LHX9: variants seen among roughly 807,000 people sequenced by gnomAD.
The protein encoded by LHX9 is LIM homeobox 9.
A neutral mutation model predicts 36.5 loss-of-function variants in LHX9; 9 were observed. That is an observed-to-expected ratio of 0.25 (90% CI 0.15 to 0.43). The LOEUF (loss-of-function observed/expected upper bound fraction) is 0.43, where lower values mean the gene tolerates loss of function less well. Ranked by LOEUF, LHX9 falls within the 20% of genes least tolerant of loss-of-function variation. LHX9 has a pLI of 1.00. For missense variants in LHX9, 464 were observed against 526.4 expected (o/e 0.88, Z 1.16); for synonymous variants, 211 against 212.1 (o/e 0.99, Z 0.04).
At position 197,921,166 on chromosome 1, in the gene LHX9, T is replaced by G; in HGVS notation, c.378-138T>G. The G allele has an allele frequency of 1.7e-6, 1 of 591,936 alleles. No individual in the cohort carries two copies. The highest frequency in any genetic ancestry group is 2.9e-6 in the Non-Finnish European group (1 of 344,230). The allele number at this position is 591,936 out of a possible 1,614,324, so 36.7% of individuals were successfully genotyped here. A position where few individuals can be genotyped will look rare whatever the true frequency, so the allele number is the denominator to read the frequency against. ...GAAAAGGTCGATGAGCAAATAAAAT[T>G]AATGCCTACTCTCCTGTCCCCCTGG... On this transcript the variant is annotated intron_variant, in intron 2 of 4. Coordinates refer to ENST00000367387, the MANE Select transcript of LHX9 (RefSeq NM_020204.3). The surrounding 1 kb of genome is among the most constrained non-coding windows in gnomAD (Gnocchi z 4.6).
At chr1:197,926,264 G>A (rs1286963362) in intron 3 of LHX9, among the ~76,000 whole-genome samples, 1 of 144,944 alleles carries the variant, frequency 6.9e-6, no homozygotes, top group Non-Finnish European at 1.5e-5. Context: ...TCACATTAAG[G>A]GATGCCTCCC....
In LHX9 at chr1:197,932,694, C is replaced by T. The variant is rs1019281529; in HGVS notation, c.*3435C>T. ...TGTTATACTAATGAAAAAATACAAA[C>T]AGCATAGTGAGATTAAATTCTGGTA... On this transcript the variant is annotated 3_prime_UTR_variant, in exon 5 of 5. Coordinates refer to ENST00000367387, the MANE Select transcript of LHX9 (RefSeq NM_020204.3). 1 of 152,020 alleles carries T rather than the reference C, an allele frequency of 6.6e-6. No homozygotes were observed. The highest frequency in any genetic ancestry group is 1.9e-4 in the East Asian group (1 of 5,204). The allele number at this position is 152,020 out of a possible 1,614,324, so 9.4% of individuals were successfully genotyped here. A position where few individuals can be genotyped will look rare whatever the true frequency, so the allele number is the denominator to read the frequency against.
At chr1:197,928,603 T>C (rs960475999) in intron 4 of LHX9, among the ~76,000 whole-genome samples, 8 of 152,202 alleles carry the variant, frequency 5.3e-5, no homozygotes, top group African/African-American at 1.9e-4. Context: ...GATTCTTACT[T>C]TGCCATACTT....
intron 4 of LHX9, 48 bp from the exon 5 acceptor site, chr1:197,928,954 A>T (rs748836318): frequency 1.2e-5 from 18 of 1,459,822 alleles, no homozygotes; most frequent in Non-Finnish European, 1.6e-5. Context: ...AAGAAAAGAA[A>T]TATAAAAATG....
In LHX9 at chr1:197,933,968, G is replaced by A. The variant is rs544559518; in HGVS notation, c.*4709G>A. On this transcript the variant is annotated 3_prime_UTR_variant, in exon 5 of 5. Coordinates refer to ENST00000367387, the MANE Select transcript of LHX9 (RefSeq NM_020204.3). Reference sequence around the variant, plus strand: ...TTTTCATAGCTTCTACCTCCCAGTTGCCTGGGTTAGTCTAACTTCTGGCAG... The same window carrying A: ...TTTTCATAGCTTCTACCTCCCAGTTACCTGGGTTAGTCTAACTTCTGGCAG... 1.4e-4 allele frequency: 22 copies of A among 152,288 alleles called. No individual in the cohort carries two copies. In the South Asian group the frequency reaches 4.6e-3, roughly 32 times the overall value. The allele number at this position is 152,288 out of a possible 1,614,324, so 9.4% of individuals were successfully genotyped here. A position where few individuals can be genotyped will look rare whatever the true frequency, so the allele number is the denominator to read the frequency against.
upstream of LHX9, among the ~76,000 whole-genome samples, chr1:197,914,921 T>A (rs916925767): frequency 1.1e-4 from 17 of 152,330 alleles, no homozygotes; most frequent in African/African-American, 3.6e-4. Context: ...TGTACCTAGA[T>A]GATTAACAAA....
At chr1:197,918,454 A>T in intron 1 of LHX9, 1 of 704,178 alleles carries the variant, frequency 1.4e-6, no homozygotes, top group South Asian at 1.5e-5. Flanking sequence ...GGACCTGTGG[A>T]GTAGATTCCG....
At chr1:197,919,075 G>C (rs1288090897) in intron 1 of LHX9, among the ~76,000 whole-genome samples, 1 of 152,204 alleles carries the variant, frequency 6.6e-6, no homozygotes, top group African/African-American at 2.4e-5. Flanking sequence ...ACCCATTTCT[G>C]CTAGTCGTGA....
upstream of LHX9, chr1:197,916,437 G>A: frequency 1.8e-6 from 1 of 549,434 alleles, no homozygotes; most frequent in East Asian, 3.1e-5. Context: ...TGGGGCTAGC[G>A]CCCAGTCCTG....
At chr1:197,913,955 C>A (rs1037184785), upstream of LHX9, among the ~76,000 whole-genome samples, 1 of 152,218 alleles carries the variant, frequency 6.6e-6, no homozygotes, top group Non-Finnish European at 1.5e-5. Flanking sequence ...TTTCCTCCCC[C>A]CTAGGGAATT....
chr1:197,912,537 G>T, upstream of LHX9: 1 of 1,614,194 alleles, frequency 6.2e-7, no homozygotes, highest in African/African-American at 1.3e-5. Flanking sequence ...TAAGAATGCT[G>T]AACGGTACCA....
intron 1 of LHX9, 98 bp downstream of exon 1, chr1:197,918,095 C>G (rs1032657450): frequency 3.0e-6 from 4 of 1,342,358 alleles, no homozygotes; most frequent in Admixed American, 2.3e-5. Context: ...AGCGGCGGGT[C>G]GTAGAGACGT....
rs567376189 is a variant in LHX9 at position 197,935,437 on chromosome 1, C to A, written c.*6178C>A. 6.3e-4 allele frequency: 96 copies of A among 152,124 alleles called. No homozygotes were observed. Among genetic ancestry groups the A allele is most frequent in the African/African-American group, 1.9e-3 (80 of 41,516 alleles). 9.4% of individuals were successfully genotyped at this position (152,124 alleles called of 1,614,324 possible). ...AATTAACCTGAAGAGTAATTGGATA[C>A]CTTTTATGGTTATTTGAAAATAAAA... On this transcript the variant is annotated 3_prime_UTR_variant, in exon 5 of 5. Transcript: ENST00000367387.
chr1:197,914,247 T>C (rs867305004), upstream of LHX9, among the ~76,000 whole-genome samples: 31 of 152,258 alleles, frequency 2.0e-4, no homozygotes, highest in African/African-American at 6.3e-4. Context: ...TGGTAGAACT[T>C]TGAATTTAGA....
intron 3 of LHX9, among the ~76,000 whole-genome samples, chr1:197,924,230 G>A (rs1033580956): frequency 2.0e-5 from 3 of 152,170 alleles, no homozygotes; most frequent in Admixed American, 6.5e-5. Context: ...TTTGGATTTT[G>A]TCTTGCTATC....
At chr1:197,915,014 T>G (rs185888268), upstream of LHX9, among the ~76,000 whole-genome samples, 69 of 152,288 alleles carry the variant, frequency 4.5e-4, 1 homozygote, top group Admixed American at 4.1e-3. Flanking sequence ...CGCTGTAAAG[T>G]TCTGGCTTTT....
At chr1:197,926,787 G>A (rs752261595) in intron 3 of LHX9, among the ~76,000 whole-genome samples, 3 of 152,110 alleles carry the variant, frequency 2.0e-5, no homozygotes, top group South Asian at 2.1e-4. Context: ...CGCTTCAGGC[G>A]TGAACCGTGT....
chr1:197,932,168 T>G lies in LHX9; in HGVS notation c.*2909T>G. ...ATGGTGTCTAACACAACTGAAGGCC[T>G]AAAATTATGTGGTTTAAACAAAATT... On this transcript the variant is annotated 3_prime_UTR_variant, in exon 5 of 5. Transcript: ENST00000367387. 2 of 445,440 alleles carry G rather than the reference T, an allele frequency of 4.5e-6. No individual in the cohort carries two copies. The highest frequency in any genetic ancestry group is 8.0e-6 in the Non-Finnish European group (2 of 248,928). The allele number at this position is 445,440 out of a possible 1,614,324, so 27.6% of individuals were successfully genotyped here.
In LHX9 at chr1:197,921,354, C is replaced by T. The variant is rs1291121342; in HGVS notation, c.428C>T (p.Ser143Leu). Residue 143 changes from serine (S) to leucine (L), a missense_variant, in exon 3 of 5, where the codon TCG (serine) becomes TTG (leucine). By Grantham distance (145) the Ser-to-Leu change is moderately radical. Coordinates refer to ENST00000367387, the MANE Select transcript of LHX9 (RefSeq NM_020204.3). This position sits in a 1 kb window ranked among gnomAD's most constrained non-coding sequence, Gnocchi z 4.6. Reference sequence around the variant, plus strand: ...CGCTGCCACCTTGGCATTTCCGCCTCGGAGATGGTCATGCGCGCCCGAGAC... The same window carrying T: ...CGCTGCCACCTTGGCATTTCCGCCTTGGAGATGGTCATGCGCGCCCGAGAC... ...CARCHLGISA[S>L]EMVMRARDSV... 2 of 1,614,178 alleles carry T rather than the reference C, an allele frequency of 1.2e-6. No homozygotes were observed. Among genetic ancestry groups the T allele is most frequent in the South Asian group, 1.1e-5 (1 of 91,074 alleles).
Sources: allele counts gnomAD v4.1 joint callset (sites outside exome capture counted in the v4.1 genomes callset), GRCh38; gene constraint gnomAD v4.1.1; non-coding constraint Gnocchi (gnomAD v3.1); transcripts MANE v1.5; gene names NCBI Gene and HGNC (gene_info 2026-07-23, HGNC 2026-07-21).